The following ANKFN1 variants were observed in gnomAD, a reference collection of about 807,000 sequenced individuals.
ANKFN1 encodes ankyrin repeat and fibronectin type-III domain-containing protein 1.
ANKFN1 carries 74 observed loss-of-function variants against 108.7 expected under a neutral mutation model. The ratio of observed to expected loss-of-function variants is 0.68; its 90% CI spans 0.56 to 0.83. ANKFN1 has a LOEUF of 0.83. Ranked by LOEUF, ANKFN1 falls within the 40% of genes least tolerant of loss-of-function variation. The probability of loss-of-function intolerance (pLI) is 0.00; values close to 1 mark genes in which losing one functional copy is unlikely to be tolerated. For synonymous variants in ANKFN1, 547 were observed against 516.2 expected (o/e 1.06, Z -0.81); for missense variants, 1,505 against 1,382.3 (o/e 1.09, Z -1.41).
At chr17:56,158,900 T>C (rs968671833) in intron 1 of ANKFN1, among the ~76,000 whole-genome samples, 2 of 152,102 alleles carry the variant, frequency 1.3e-5, no homozygotes, top group South Asian at 2.1e-4. Flanking sequence ...GAATACTTGA[T>C]GCCATCAGAA....
At chr17:56,478,403 G>T (rs774658330) in intron 16 of ANKFN1, among the ~76,000 whole-genome samples, 1 of 151,956 alleles carries the variant, frequency 6.6e-6, no homozygotes, top group African/African-American at 2.4e-5. Flanking sequence ...TGATTCCCCC[G>T]ATCTTAAAAA....
At chr17:56,342,745 G>A (rs2045992080) in intron 4 of ANKFN1, among the ~76,000 whole-genome samples, 1 of 152,032 alleles carries the variant, frequency 6.6e-6, no homozygotes, top group African/African-American at 2.4e-5. Flanking sequence ...AGTACCATGT[G>A]GTGATTAGAA....
At chr17:56,386,492 AAG>A (rs1282306643) in intron 8 of ANKFN1, among the ~76,000 whole-genome samples, 4 of 151,804 alleles carry the variant, frequency 2.6e-5, no homozygotes, top group African/African-American at 9.7e-5. Context: ...TAAAATAAAA[AAG>A]AAAAAAAAGA....
At chr17:56,055,158 C>T (rs1301846501) in intron 4 of ANKFN1, among the ~76,000 whole-genome samples, 1 of 151,512 alleles carries the variant, frequency 6.6e-6, no homozygotes, top group Admixed American at 6.6e-5. Flanking sequence ...TCTAATGTAC[C>T]CATTACCCAA....
chr17:56,506,072 T>C (rs1479994119), intron 20 of ANKFN1, among the ~76,000 whole-genome samples: 1 of 152,180 alleles, frequency 6.6e-6, no homozygotes, highest in African/African-American at 2.4e-5. Context: ...TTTATTTGTT[T>C]TTTATTATAC....
At chr17:56,491,014 G>A (rs529583168) in intron 18 of ANKFN1, among the ~76,000 whole-genome samples, 1 of 152,244 alleles carries the variant, frequency 6.6e-6, no homozygotes, top group Non-Finnish European at 1.5e-5. Flanking sequence ...ATGCAGAAAA[G>A]TAGGGCTTCC....
At chr17:56,105,181 C>G (rs1021898422) in intron 4 of ANKFN1, among the ~76,000 whole-genome samples, 1 of 152,048 alleles carries the variant, frequency 6.6e-6, no homozygotes, top group Admixed American at 6.5e-5. Context: ...TTTTACCAGG[C>G]GCACTGAATG....
chr17:56,144,946 T>C (rs57791149), intron 4 of ANKFN1, among the ~76,000 whole-genome samples: 48,432 of 151,618 alleles, frequency 0.32, 9,045 homozygotes, highest in East Asian at 0.53. Flanking sequence ...CTTTTTTTTT[T>C]CTAAAAACCA....
At chr17:56,167,814 G>C (rs1360320723) in intron 1 of ANKFN1, among the ~76,000 whole-genome samples, 2 of 152,144 alleles carry the variant, frequency 1.3e-5, no homozygotes, top group Non-Finnish European at 2.9e-5. Context: ...GGGGAAGAGG[G>C]AGAGAGAGTG....
intron 4 of ANKFN1, among the ~76,000 whole-genome samples, chr17:56,141,749 T>G (rs1415761413): frequency 6.6e-6 from 1 of 152,102 alleles, no homozygotes. Flanking sequence ...ATCCTCACCC[T>G]GATGCTGTGA....
intron 2 of ANKFN1, among the ~76,000 whole-genome samples, chr17:56,221,698 G>A (rs1317502099): frequency 2.6e-5 from 4 of 152,188 alleles, no homozygotes; most frequent in African/African-American, 7.2e-5. Flanking sequence ...GTGACAAAGC[G>A]ATTTCGAACA....
intron 3 of ANKFN1, among the ~76,000 whole-genome samples, chr17:56,285,963 C>T (rs190642250): frequency 1.0e-3 from 158 of 152,190 alleles, no homozygotes; most frequent in African/African-American, 2.7e-3. Flanking sequence ...CCTGTTGTCC[C>T]AGAGTCCCAG....
At chr17:56,133,943 C>G (rs959744205) in intron 4 of ANKFN1, among the ~76,000 whole-genome samples, 6 of 152,082 alleles carry the variant, frequency 3.9e-5, no homozygotes, top group African/African-American at 1.4e-4. Flanking sequence ...CAGATAGCAT[C>G]AGATCCCATA....
At chr17:56,420,720 T>A (rs1419882478) in intron 8 of ANKFN1, among the ~76,000 whole-genome samples, 3 of 150,924 alleles carry the variant, frequency 2.0e-5, no homozygotes, top group Non-Finnish European at 3.0e-5. Context: ...GTTTTCTTTT[T>A]TTTTTGAGAC....
At chr17:56,453,625 A>G (rs977036993) in intron 11 of ANKFN1, among the ~76,000 whole-genome samples, 1 of 152,066 alleles carries the variant, frequency 6.6e-6, no homozygotes, top group African/African-American at 2.4e-5. Context: ...ATCGCTCTCC[A>G]ATATTGGGTT....
intron 4 of ANKFN1, among the ~76,000 whole-genome samples, chr17:56,058,374 A>T (rs886147390): frequency 4.6e-5 from 7 of 152,242 alleles, no homozygotes; most frequent in African/African-American, 1.7e-4. Flanking sequence ...CAGCTTCTAC[A>T]TCAGCACTTG....
At chr17:56,488,182 T>C (rs1296926428) in intron 18 of ANKFN1, among the ~76,000 whole-genome samples, 2 of 152,154 alleles carry the variant, frequency 1.3e-5, no homozygotes, top group Non-Finnish European at 2.9e-5. Flanking sequence ...TGACACTGGA[T>C]ATCATGAGAC....
intron 3 of ANKFN1, among the ~76,000 whole-genome samples, chr17:56,269,160 A>T (rs2043729213): frequency 1.3e-5 from 2 of 152,146 alleles, no homozygotes; most frequent in African/African-American, 4.8e-5. Flanking sequence ...CTAGGTCATG[A>T]TAGCTGTTTA....
chr17:56,243,598 T>C (rs1917741308), intron 3 of ANKFN1, among the ~76,000 whole-genome samples: 1 of 152,148 alleles, frequency 6.6e-6, no homozygotes, highest in African/African-American at 2.4e-5. Flanking sequence ...TTTTACTTTG[T>C]AGTAAACTAC....
Sources: gnomAD v4.1 joint callset for allele counts (sites outside exome capture counted in the v4.1 genomes callset) on GRCh38, gnomAD v4.1.1 for gene constraint, MANE v1.5 for transcripts, NCBI Gene and HGNC (gene_info 2026-07-23, HGNC 2026-07-21) for gene names.